Variants in IQCK observed in about 807,000 individuals in gnomAD.
IQCK encodes IQ motif containing K.
In IQCK, 29 loss-of-function variants were observed where a neutral mutation model predicts 28.1. The ratio of observed to expected loss-of-function variants is 1.03; its 90% CI spans 0.77 to 1.41. The LOEUF (loss-of-function observed/expected upper bound fraction) is 1.41, where lower values mean the gene tolerates loss of function less well. Among genes scored for constraint, IQCK ranks in the 40% most tolerant of loss-of-function variants. The pLI, the probability that IQCK is intolerant of heterozygous loss-of-function variation, is 0.00. For synonymous variants in IQCK, 113 were observed against 115.1 expected (o/e 0.98, Z 0.12); for missense variants, 359 against 314.7 (o/e 1.14, Z -1.07).
At chr16:19,784,213 A>G (rs2055532185) in intron 6 of IQCK, among the ~76,000 whole-genome samples, 1 of 147,596 alleles carries the variant, frequency 6.8e-6, no homozygotes, top group Non-Finnish European at 1.5e-5. Context: ...CCCTGCCCCC[A>G]TTTTTTTTTT....
exon 3 of IQCK, chr16:19,733,805 G>A (rs753314973): frequency 4.3e-6 from 7 of 1,613,894 alleles, no homozygotes; most frequent in East Asian, 2.2e-5. Context: ...AAGATAAATC[G>A]GAAACAATCA....
At chr16:19,756,553 C>T (rs2151703316) in intron 4 of IQCK, among the ~76,000 whole-genome samples, 1 of 152,230 alleles carries the variant, frequency 6.6e-6, no homozygotes, top group East Asian at 1.9e-4. Flanking sequence ...ATTAGGCCAT[C>T]AGGGTGGAGG....
At position 19,825,425 on chromosome 16, in the gene IQCK, C is replaced by T. The variant is rs1438545510; in HGVS notation, c.691-1601C>T. Among the ~76,000 whole-genome samples, 1 of 151,942 alleles carries T rather than the reference C, an allele frequency of 6.6e-6. No individual in the cohort carries two copies. Among genetic ancestry groups the T allele is most frequent in the African/African-American group, 2.4e-5 (1 of 41,318 alleles). Reference sequence around the variant, plus strand: ...TTCCCAGCTACTTGGGAGGCTGAGGCAGGAGAATTGCTTGAACCCGGGAAG... The same window carrying T: ...TTCCCAGCTACTTGGGAGGCTGAGGTAGGAGAATTGCTTGAACCCGGGAAG... On this transcript the variant is annotated intron_variant, in intron 7 of 7. Transcript: ENST00000564186. The surrounding 1 kb of genome is among the most constrained non-coding windows in gnomAD (Gnocchi z 4.2).
Position 19,783,820 on chromosome 16 carries a change from A to G in IQCK, c.606-5018A>G, listed in dbSNP as rs548169241. Among the ~76,000 whole-genome samples the G allele has an allele frequency of 7.9e-5, 12 of 152,298 alleles. No individual in the cohort carries two copies. The South Asian group carries it at 1.2e-3, about 16-fold the overall frequency. On this transcript the variant is annotated intron_variant, in intron 6 of 7. Coordinates refer to ENST00000564186, the Ensembl canonical transcript of IQCK. ...GCCTCTTATTACTGCTTAAAGGCCT[A>G]TTAGAAATCTCATTTTGCTTTTTGG...
chr16:19,782,056 C>T (rs1168320952), intron 6 of IQCK, among the ~76,000 whole-genome samples: 6 of 151,922 alleles, frequency 3.9e-5, no homozygotes, highest in East Asian at 1.9e-4. Context: ...GGATGGAAGG[C>T]GAGGGCTGGG....
Position 19,842,762 on chromosome 16 carries a change from G to A in IQCK, c.803-13725G>A, listed in dbSNP as rs555824324. Among the ~76,000 whole-genome samples, 8 of 152,178 alleles carry A rather than the reference G, an allele frequency of 5.3e-5. 1 individual carries two copies. Among genetic ancestry groups the A allele is most frequent in the African/African-American group, 1.4e-4 (6 of 41,534 alleles). On this transcript the variant is annotated intron_variant, in intron 9 of 9. Transcript: ENST00000320394. ...ATCTAAATTCTCCATTTCTCTTCAC[G>A]CTTGGTTTTCTTTTTCTGTTTTGAT...
chr16:19,730,293 C>A, intron 1 of IQCK, 137 bp from the exon 2 acceptor site: 1 of 584,284 alleles, frequency 1.7e-6, no homozygotes, highest in Non-Finnish European at 2.9e-6. Context: ...GTTAACCTGT[C>A]ATGGCCAGTT....
rs2056129463 is a variant in IQCK, at chr16:19,825,121, G to C, written c.691-1905G>C. Among the ~76,000 whole-genome samples the C allele has an allele frequency of 6.6e-6, 1 of 152,106 alleles. No individual in the cohort carries two copies. The highest frequency in any genetic ancestry group is 6.5e-5 in the Admixed American group (1 of 15,274). On this transcript the variant is annotated intron_variant, in intron 7 of 7. Transcript: ENST00000564186. This position sits in a 1 kb window ranked among gnomAD's most constrained non-coding sequence, Gnocchi z 4.2. ...TCAATCCATTCAAGTTTTAATTCCA[G>C]CTCCACCATATCCAGTACGACTTGG...
At chr16:19,793,652 T>G (rs1228521661) in intron 7 of IQCK, among the ~76,000 whole-genome samples, 2 of 128,350 alleles carry the variant, frequency 1.6e-5, no homozygotes, top group South Asian at 2.6e-4. Flanking sequence ...GGTTTTTTTT[T>G]TTTTTTTTTT....
chr16:19,816,535 G>A (rs1425544452), intron 7 of IQCK, among the ~76,000 whole-genome samples: 1 of 152,198 alleles, frequency 6.6e-6, no homozygotes, highest in South Asian at 2.1e-4. Flanking sequence ...ACCCGCCTCA[G>A]CCTCCCAAAG....
chr16:19,720,896 C>T (rs1977472328), intron 1 of IQCK, among the ~76,000 whole-genome samples: 1 of 152,002 alleles, frequency 6.6e-6, no homozygotes, highest in Admixed American at 6.6e-5. Flanking sequence ...TGGGTAATCC[C>T]AGCTACTCAG....
intron 7 of IQCK, among the ~76,000 whole-genome samples, chr16:19,812,782 T>G (rs758666579): frequency 1.3e-5 from 2 of 152,208 alleles, no homozygotes; most frequent in Non-Finnish European, 2.9e-5. Flanking sequence ...TTATAAAGAT[T>G]TGCTAGAAAA....
chr16:19,745,111 G>A (rs939205613), intron 4 of IQCK, among the ~76,000 whole-genome samples: 17 of 152,114 alleles, frequency 1.1e-4, no homozygotes, highest in African/African-American at 3.9e-4. Flanking sequence ...AAAGAAGCAC[G>A]AGTTACCTTT....
At chr16:19,718,690 C>T (rs531159715) in intron 1 of IQCK, among the ~76,000 whole-genome samples, 3 of 152,278 alleles carry the variant, frequency 2.0e-5, no homozygotes, top group South Asian at 2.1e-4. Context: ...GGACTCCAAT[C>T]GCGATCCGTA....
intron 1 of IQCK, among the ~76,000 whole-genome samples, chr16:19,724,961 G>A (rs1407805620): frequency 6.6e-6 from 1 of 152,180 alleles, no homozygotes; most frequent in African/African-American, 2.4e-5. Flanking sequence ...TGAGGGGAGA[G>A]GGTTCACTTG....
At chr16:19,827,101 C>G (rs1274052472) in exon 8 of IQCK, 1 of 1,613,976 alleles carries the variant, frequency 6.2e-7, no homozygotes, top group Admixed American at 1.7e-5. Context: ...CATTCACCAG[C>G]AAGTCAAAAT....
chr16:19,814,036 G>GAGGCCA (rs758239853), intron 7 of IQCK, among the ~76,000 whole-genome samples: 5 of 151,852 alleles, frequency 3.3e-5, no homozygotes, highest in Admixed American at 6.6e-5. Flanking sequence ...TGGCCAACGT[G>GAGGCCA]GTGAAACCCT....
chr16:19,780,248 G>T (rs2055460762), intron 6 of IQCK, among the ~76,000 whole-genome samples: 1 of 151,656 alleles, frequency 6.6e-6, no homozygotes, highest in Non-Finnish European at 1.5e-5. Flanking sequence ...CACTATGTTG[G>T]CCAGGCTGGT....
chr16:19,733,629 G>A, intron 2 of IQCK, 69 bp from the exon 3 acceptor site: 2 of 1,567,046 alleles, frequency 1.3e-6, no homozygotes, highest in Non-Finnish European at 1.7e-6. Context: ...CCTTCATAAG[G>A]TTATACCAGA....
Sources: allele counts gnomAD v4.1 joint callset (sites outside exome capture counted in the v4.1 genomes callset), GRCh38; gene constraint gnomAD v4.1.1; non-coding constraint Gnocchi (gnomAD v3.1); transcripts MANE v1.5; gene names NCBI Gene and HGNC (gene_info 2026-07-23, HGNC 2026-07-21).